EPHA5: variants seen among roughly 807,000 people sequenced by gnomAD.
The protein encoded by EPHA5 is ephrin type-A receptor 5.
EPHA5 carries 60 observed loss-of-function variants against 105.0 expected under a neutral mutation model. The ratio of observed to expected loss-of-function variants is 0.57; its 90% CI spans 0.46 to 0.71. The LOEUF is 0.71. EPHA5 is among the 30% of genes least tolerant of loss of function. The probability of loss-of-function intolerance (pLI) is 0.00; values close to 1 mark genes in which losing one functional copy is unlikely to be tolerated. For missense variants in EPHA5, 1,218 were observed against 1,274.7 expected, an observed-to-expected ratio of 0.96 and a Z score of 0.68; for synonymous variants, 513 against 449.1, an observed-to-expected ratio of 1.14 and a Z score of -1.80.
chr4:65,342,603 C>A (rs1721836656), intron 14 of EPHA5, among the ~76,000 whole-genome samples: 1 of 150,338 alleles, frequency 6.7e-6, no homozygotes, highest in African/African-American at 2.4e-5. Flanking sequence ...CATATATCAG[C>A]AGTATAAATT....
intron 3 of EPHA5, among the ~76,000 whole-genome samples, chr4:65,510,983 CAAT>C (rs1733565349): frequency 6.6e-6 from 1 of 152,102 alleles, no homozygotes; most frequent in Non-Finnish European, 1.5e-5. Context: ...ATCAATCAAT[CAAT>C]CTCTCTCTCT....
intron 5 of EPHA5, among the ~76,000 whole-genome samples, chr4:65,489,693 T>C (rs999129046): frequency 2.0e-5 from 3 of 152,198 alleles, no homozygotes; most frequent in African/African-American, 7.2e-5. Flanking sequence ...GTTAATTTGC[T>C]TAAAAGTGAA....
intron 8 of EPHA5, among the ~76,000 whole-genome samples, chr4:65,386,634 C>G (rs530309995): frequency 6.6e-6 from 1 of 151,830 alleles, no homozygotes; most frequent in Non-Finnish European, 1.5e-5. Context: ...ATTAGCATAC[C>G]TAACAGACAC....
At chr4:65,589,138 A>T (rs2149411494) in intron 3 of EPHA5, among the ~76,000 whole-genome samples, 1 of 152,300 alleles carries the variant, frequency 6.6e-6, no homozygotes, top group South Asian at 2.1e-4. Flanking sequence ...GGTTTCTAAC[A>T]TTATGTACTG....
chr4:65,326,206 T>C (rs1455667108), intron 16 of EPHA5, among the ~76,000 whole-genome samples: 1 of 151,032 alleles, frequency 6.6e-6, no homozygotes, highest in Non-Finnish European at 1.5e-5. Flanking sequence ...AATTTCCTTT[T>C]ATGGATGAGG....
chr4:65,528,923 T>C (rs748520346), intron 3 of EPHA5, among the ~76,000 whole-genome samples: 4 of 152,158 alleles, frequency 2.6e-5, no homozygotes, highest in Non-Finnish European at 4.4e-5. Flanking sequence ...CAGGTGACCA[T>C]GCAATTACAA....
chr4:65,515,689 G>A (rs1734043259), intron 3 of EPHA5, among the ~76,000 whole-genome samples: 4 of 152,138 alleles, frequency 2.6e-5, no homozygotes, highest in Middle Eastern at 6.8e-3. Flanking sequence ...TTGCAAACTC[G>A]TGATGGTTAA....
Position 65,656,105 on chromosome 4 carries a change from C to G in EPHA5, c.182-12678G>C, listed in dbSNP as rs1304030233. ...AGGTATTAGGTTTCCACAGTGATTT[C>G]TTTTGAACTTGCTGCTGCTGCTGCT... On this transcript the variant is annotated intron_variant, in intron 1 of 16. Transcript: ENST00000613740. Among the ~76,000 whole-genome samples, 7 of 118,480 alleles carry G rather than the reference C, an allele frequency of 5.9e-5. No individual in the cohort carries two copies. The South Asian group carries it at 1.5e-3, about 25-fold the overall frequency. The allele number at this position is 118,480 out of a possible 152,430, so 77.7% of individuals were successfully genotyped here.
intron 2 of EPHA5, among the ~76,000 whole-genome samples, chr4:65,613,233 C>T (rs1299334646): frequency 6.6e-6 from 1 of 151,940 alleles, no homozygotes; most frequent in Non-Finnish European, 1.5e-5. Flanking sequence ...ACTGATCTAT[C>T]TGTCTATTTT....
chr4:65,612,079 G>A (rs1744832627), intron 2 of EPHA5, among the ~76,000 whole-genome samples: 1 of 149,322 alleles, frequency 6.7e-6, no homozygotes, highest in African/African-American at 2.5e-5. Flanking sequence ...AGAAATTGAG[G>A]CCATCTACTG....
chr4:65,348,660 A>T (rs7682200), intron 13 of EPHA5, among the ~76,000 whole-genome samples: 2 of 85,688 alleles, frequency 2.3e-5, no homozygotes, highest in Non-Finnish European at 4.5e-5. Context: ...AACATTGGAG[A>T]TATATATATA....
Position 65,495,072 on chromosome 4 carries a change from A to T in EPHA5, c.1066+316T>A, listed in dbSNP as rs141777409. 2.6e-3 allele frequency among the ~76,000 whole-genome samples: 394 copies of T among 152,268 alleles called. 1 individual carries two copies. The highest frequency in any genetic ancestry group is 9.0e-3 in the African/African-American group (375 of 41,558). ...GGTTTTAATGTAAACTGGGAAGTAG[A>T]TTATCAAAGTCATGTTTAGCTAGCA... On this transcript the variant is annotated intron_variant, in intron 4 of 16. Transcript: ENST00000613740.
intron 5 of EPHA5, among the ~76,000 whole-genome samples, chr4:65,439,414 T>C (rs13137473): frequency 6.6e-6 from 1 of 151,924 alleles, no homozygotes; most frequent in South Asian, 2.1e-4. Context: ...TGTTCCGCTG[T>C]TCCACATCTC....
intron 14 of EPHA5, among the ~76,000 whole-genome samples, chr4:65,345,216 T>G (rs570940185): frequency 6.6e-6 from 1 of 152,290 alleles, no homozygotes; most frequent in Admixed American, 6.5e-5. Flanking sequence ...GAAATGCTAG[T>G]CAGTGCTCCC....
In EPHA5 at chr4:65,573,902, G is replaced by C. The variant is rs571239546; in HGVS notation, c.910+27739C>G. 31 of 1,611,028 alleles carry C rather than the reference G, an allele frequency of 1.9e-5. No individual in the cohort carries two copies. The Admixed American group carries it at 4.5e-4, about 23-fold the overall frequency. On this transcript the variant is annotated intron_variant, in intron 3 of 16. Transcript: ENST00000613740. ...AACTGCGAGCCAGCATTACCCCCGG[G>C]ACCATTCTGATCATCCTCACTGGAC...
At chr4:65,459,624 C>T (rs1369090057) in intron 5 of EPHA5, among the ~76,000 whole-genome samples, 1 of 151,704 alleles carries the variant, frequency 6.6e-6, no homozygotes, top group Admixed American at 6.6e-5. Context: ...CATACTGAAA[C>T]TCATACCAAG....
chr4:65,389,830 A>G (rs564535935), intron 8 of EPHA5, among the ~76,000 whole-genome samples: 1 of 152,180 alleles, frequency 6.6e-6, no homozygotes, highest in African/African-American at 2.4e-5. Context: ...CTAAAGAGGA[A>G]TTACAAAGTT....
chr4:65,480,673 A>G (rs1730267993), intron 5 of EPHA5, among the ~76,000 whole-genome samples: 1 of 152,118 alleles, frequency 6.6e-6, no homozygotes, highest in South Asian at 2.1e-4. Context: ...TCATTGTTCA[A>G]CAGCTGCCAT....
intron 5 of EPHA5, among the ~76,000 whole-genome samples, chr4:65,448,451 T>G (rs964744117): frequency 6.6e-6 from 1 of 151,860 alleles, no homozygotes; most frequent in Non-Finnish European, 1.5e-5. Flanking sequence ...AGTTCCAGAG[T>G]AGCCTGGCCA....
Sources: allele counts gnomAD v4.1 joint callset (sites outside exome capture counted in the v4.1 genomes callset), GRCh38; gene constraint gnomAD v4.1.1; transcripts MANE v1.5; gene names NCBI Gene and HGNC (gene_info 2026-07-23, HGNC 2026-07-21).